The following ATR variants were observed in gnomAD, a reference collection of about 807,000 sequenced individuals.
ATR encodes ATR checkpoint kinase.
A neutral mutation model predicts 305.3 loss-of-function variants in ATR; 142 were observed. The ratio of observed to expected loss-of-function variants is 0.47; its 90% CI spans 0.41 to 0.53. ATR has a LOEUF of 0.53. Ranked by LOEUF, ATR falls within the 20% of genes least tolerant of loss-of-function variation. The pLI, the probability that ATR is intolerant of heterozygous loss-of-function variation, is 0.00. For synonymous variants in ATR, 1,050 were observed against 1,068.1 expected (o/e 0.98, Z 0.33); for missense variants, 2,135 against 3,133.1 (o/e 0.68, Z 7.60).
chr3:142,493,386 T>C, intron 34 of ATR, 75 bp from the exon 35 acceptor site: 2 of 1,426,904 alleles, frequency 1.4e-6, no homozygotes. Context: ...TATTAGTTCA[T>C]TATGTTTTTG....
At position 142,467,950 on chromosome 3, in the gene ATR, T is replaced by G. The variant is rs2071168676; in HGVS notation, c.6671A>C (p.Glu2224Ala). 2 of 1,612,882 alleles carry G rather than the reference T, an allele frequency of 1.2e-6. No individual in the cohort carries two copies. The highest frequency in any genetic ancestry group is 1.7e-6 in the Non-Finnish European group (2 of 1,179,450). Residue 2224 changes from glutamate (E) to alanine (A), a missense_variant, in exon 39 of 47, where the codon GAA becomes GCA. Around this residue, in one of 9 missense-constraint regions of ATR, gnomAD observed 462 missense variants for 887.6 expected, o/e 0.52. Transcript: ENST00000350721. ...TGATAGTACCGGTTTATTGCACAAT[T>G]CTAGAAGCTTATCTGTTAGGCGAGT... Reference protein sequence around the residue: ...DATRLTDKLLELCNKPVDGSS... With the variant: ...DATRLTDKLLALCNKPVDGSS...
intron 36 of ATR, among the ~76,000 whole-genome samples, chr3:142,475,355 T>C (rs1016718646): frequency 5.3e-5 from 8 of 152,148 alleles, no homozygotes; most frequent in Non-Finnish European, 1.2e-4. Context: ...GGTGTTTGGT[T>C]TTTTGTCCTT....
At chr3:142,488,947 T>A (rs1358208726) in intron 35 of ATR, among the ~76,000 whole-genome samples, 4 of 152,216 alleles carry the variant, frequency 2.6e-5, no homozygotes, top group Non-Finnish European at 1.5e-5. Context: ...CACTCAATTT[T>A]AATGTTTTAA....
chr3:142,493,361 T>C, intron 34 of ATR, 50 bp from the exon 35 acceptor site: 1 of 1,512,834 alleles, frequency 6.6e-7, no homozygotes, highest in Non-Finnish European at 9.0e-7. Flanking sequence ...AACATACTTC[T>C]ATTTTCTGCA....
At chr3:142,545,482 C>T (rs1270950395) in intron 16 of ATR, among the ~76,000 whole-genome samples, 1 of 151,886 alleles carries the variant, frequency 6.6e-6, no homozygotes, top group African/African-American at 2.4e-5. Context: ...AAGAGTTGTA[C>T]CATGTGAGAG....
Position 142,549,544 on chromosome 3 carries a change from T to C in ATR, c.3106A>G (p.Ile1036Val). The change falls in exon 15 of 47, where the codon ATT (isoleucine) becomes GTT (valine). Residue 1036 changes from isoleucine to valine, a missense_variant. Physicochemically the swap from Ile to Val is conservative, Grantham distance 29 (BLOSUM62 3). Coordinates refer to ENST00000350721, the MANE Select transcript of ATR (RefSeq NM_001184.4). ...CAAGAACAGACCAAATGAGAAAAAA[T>C]ATATTTGAAGTTGTTTATTAAAATC... ...REILINNFKY[I>V]FSHLVCSCSK... is the part of the protein sequence containing the mutation. 1.2e-6 allele frequency: 2 copies of C among 1,611,424 alleles called. No homozygotes were observed. The highest frequency in any genetic ancestry group is 1.1e-5 in the South Asian group (1 of 90,452).
intron 21 of ATR, among the ~76,000 whole-genome samples, chr3:142,528,211 G>A (rs1169947080): frequency 2.6e-5 from 4 of 152,144 alleles, no homozygotes; most frequent in Non-Finnish European, 5.9e-5. Context: ...AAGGTGTAAC[G>A]TCTGACATAT....
chr3:142,500,372 T>G (rs1355161928), intron 30 of ATR, among the ~76,000 whole-genome samples: 1 of 152,180 alleles, frequency 6.6e-6, no homozygotes. Flanking sequence ...GCATTCTACT[T>G]AGGTGACATT....
At chr3:142,546,305 G>T (rs1448967943) in intron 16 of ATR, among the ~76,000 whole-genome samples, 1 of 152,130 alleles carries the variant, frequency 6.6e-6, no homozygotes. Flanking sequence ...CAGAACTAAG[G>T]GGGGCATTAA....
At chr3:142,486,642 C>T (rs1382715535) in intron 35 of ATR, among the ~76,000 whole-genome samples, 1 of 151,990 alleles carries the variant, frequency 6.6e-6, no homozygotes, top group African/African-American at 2.4e-5. Flanking sequence ...CTCTCTCGCT[C>T]CCTTTTTAGT....
intron 36 of ATR, among the ~76,000 whole-genome samples, chr3:142,479,232 T>C (rs1037802155): frequency 5.9e-5 from 9 of 152,212 alleles, no homozygotes; most frequent in Non-Finnish European, 1.0e-4. Context: ...GTACCGATTG[T>C]TCCTTTCCAT....
rs2032073819 is a variant in ATR, at chr3:142,503,298, T to A, written c.5288+64A>T. On this transcript the variant is annotated intron_variant, in intron 30 of 46. Transcript: ENST00000350721. Reference sequence around the variant, plus strand: ...TCTACTAAACATTAAATTACCCAATTCACTAACTAAAAATTCTCCATTCAG... The same window carrying A: ...TCTACTAAACATTAAATTACCCAATACACTAACTAAAAATTCTCCATTCAG... 5.3e-6 allele frequency: 6 copies of A among 1,140,398 alleles called. No homozygotes were observed. In the South Asian group the frequency reaches 7.6e-5, roughly 15 times the overall value. The allele number at this position is 1,140,398 out of a possible 1,614,324, so 70.6% of individuals were successfully genotyped here.
At chr3:142,486,049 G>A (rs1429073443) in intron 35 of ATR, among the ~76,000 whole-genome samples, 1 of 150,888 alleles carries the variant, frequency 6.6e-6, no homozygotes, top group East Asian at 1.9e-4. Flanking sequence ...CTCTCTTTCT[G>A]GCCACTCTCA....
At chr3:142,514,785 T>C (rs1371089313) in intron 25 of ATR, among the ~76,000 whole-genome samples, 1 of 109,124 alleles carries the variant, frequency 9.2e-6, no homozygotes, top group Non-Finnish European at 1.7e-5. Context: ...TCCGGCTGGG[T>C]GGCAAGAGCA....
chr3:142,479,242 T>C (rs1160962187), intron 36 of ATR, among the ~76,000 whole-genome samples: 1 of 152,208 alleles, frequency 6.6e-6, no homozygotes, highest in Non-Finnish European at 1.5e-5. Flanking sequence ...TTCCTTTCCA[T>C]GTTTAGTGCT....
intron 27 of ATR, 142 bp downstream of exon 27, chr3:142,512,118 C>T (rs762206569): frequency 4.9e-6 from 4 of 815,100 alleles, no homozygotes; most frequent in Non-Finnish European, 7.6e-6. Flanking sequence ...AACTCCATCT[C>T]CAAACAACAA....
In ATR at chr3:142,468,057, G is replaced by A. The variant is rs767928431; in HGVS notation, c.6564C>T (p.Pro2188=). 1.2e-6 allele frequency: 2 copies of A among 1,612,342 alleles called. No individual in the cohort carries two copies. Among genetic ancestry groups the A allele is most frequent in the South Asian group, 1.1e-5 (1 of 91,004 alleles). Residue 2188 remains proline (P), a synonymous_variant, in exon 39 of 47, where the codon CCC becomes CCT. Transcript: ENST00000350721. ...TTTCCTTGCATCTGTTCACACGCAT[G>A]GGATAAGATGACTGTCATAAAAAAG... The part of the protein sequence containing the change: ...MMTAVSKSSY[P]MRVNRCKEIL...
At chr3:142,460,258 T>G (rs1006753840) in intron 42 of ATR, among the ~76,000 whole-genome samples, 1 of 152,150 alleles carries the variant, frequency 6.6e-6, no homozygotes, top group Admixed American at 6.5e-5. Context: ...ATATAGTGAT[T>G]TATCAGTATT....
intron 10 of ATR, among the ~76,000 whole-genome samples, chr3:142,554,631 C>T (rs751388366): frequency 7.9e-5 from 12 of 152,096 alleles, no homozygotes; most frequent in Non-Finnish European, 1.6e-4. Flanking sequence ...AACTTAAAAA[C>T]ACATTGCAGG....
Sources: allele counts gnomAD v4.1 joint callset (sites outside exome capture counted in the v4.1 genomes callset), GRCh38; gene constraint gnomAD v4.1.1; regional missense constraint gnomAD v4.1.1; transcripts MANE v1.5; gene names NCBI Gene and HGNC (gene_info 2026-07-23, HGNC 2026-07-21).